BSX: variants seen among roughly 807,000 people sequenced by gnomAD.
BSX encodes brain specific homeobox, also known as brain-specific homeobox protein homolog.
A neutral mutation model predicts 16.9 loss-of-function variants in BSX; 12 were observed. That is an observed-to-expected ratio of 0.71 (90% confidence interval 0.46 to 1.15). The LOEUF is 1.15. BSX is among the 50% of genes most tolerant of loss of function. The pLI, the probability that BSX is intolerant of heterozygous loss-of-function variation, is 0.00. For synonymous variants in BSX, 160 were observed against 136.4 expected, an observed-to-expected ratio of 1.17 and a Z score of -1.20; for missense variants, 292 against 311.8, an observed-to-expected ratio of 0.94 and a Z score of 0.48.
chr11:122,981,560 G>C lies in BSX; in HGVS notation c.112C>G (p.Pro38Ala). 6.2e-7 allele frequency: 1 copy of C among 1,600,402 alleles called. No individual in the cohort carries two copies. The highest frequency in any genetic ancestry group is 8.5e-7 in the Non-Finnish European group (1 of 1,173,588). ...GCCAGAGAGCTGGCGAAATGGTCTG[G>C]GGCCACCTCTCTCAGCGGCTTGGGC... Reference protein sequence around the residue: ...HKPKPLREVAPDHFASSLASR... With the variant: ...HKPKPLREVAADHFASSLASR... Residue 38 changes from proline (P) to alanine (A), a missense_variant, in exon 1 of 3, where the codon CCA (proline) becomes GCA (alanine). Pro to Ala is a conservative substitution (Grantham distance 27, BLOSUM62 -1). Coordinates refer to ENST00000343035, the MANE Select transcript of BSX (RefSeq NM_001098169.2).
rs749156935 is a variant in BSX, at chr11:122,977,937, C to A, written c.460-46G>T. Reference sequence around the variant, plus strand: ...ATAAAATCATGTCATTCCTCCAAATCTGAGCCATCGCTGGGGTTTAGGAAA... The same window carrying A: ...ATAAAATCATGTCATTCCTCCAAATATGAGCCATCGCTGGGGTTTAGGAAA... On this transcript the variant is annotated intron_variant, in intron 2 of 2. Coordinates refer to ENST00000343035, the MANE Select transcript of BSX (RefSeq NM_001098169.2). This position sits in a 1 kb window ranked among gnomAD's most constrained non-coding sequence, Gnocchi z 4.5. The A allele has an allele frequency of 6.2e-7, 1 of 1,607,050 alleles. No homozygotes were observed. Among genetic ancestry groups the A allele is most frequent in the Non-Finnish European group, 8.5e-7 (1 of 1,179,618 alleles).
At position 122,979,428 on chromosome 11, in the gene BSX, G is replaced by C. The variant is rs552397073; in HGVS notation, c.292C>G (p.Pro98Ala). 5 of 1,613,288 alleles carry C rather than the reference G, an allele frequency of 3.1e-6. No individual in the cohort carries two copies. In the South Asian group the frequency reaches 5.5e-5, roughly 18 times the overall value. ...TTCCCCGGCAGCTCCGCGTGCTGCG[G>C]GTGCGGGAACAGCGCTGGGACTGGC... ...GMPVPALFPH[P>A]QHAELPGKHC... Residue 98 changes from proline (P) to alanine (A), a missense_variant, in exon 2 of 3, where the codon CCG becomes GCG. Transcript: ENST00000343035.
intron 1 of BSX, among the ~76,000 whole-genome samples, chr11:122,981,031 G>T (rs1164217882): frequency 1.3e-5 from 2 of 152,118 alleles, no homozygotes; most frequent in African/African-American, 4.8e-5. Context: ...GATGGTCAAG[G>T]GTCTCCCTCT....
At position 122,977,813 on chromosome 11, in the gene BSX, C is replaced by G. The variant is rs1864516394; in HGVS notation, c.538G>C (p.Asp180His). The G allele has an allele frequency of 6.2e-7, 1 of 1,613,922 alleles. No individual in the cohort carries two copies. Among genetic ancestry groups the G allele is most frequent in the Admixed American group, 1.7e-5 (1 of 59,990 alleles). Reference sequence around the variant, plus strand: ...CTGCCCTCGGGGCTTTCTGGCCCGTCTGGTGCTTTGGGTTCGTCTTGGCTT... The same window carrying G: ...CTGCCCTCGGGGCTTTCTGGCCCGTGTGGTGCTTTGGGTTCGTCTTGGCTT... ...RKSQDEPKAP[D>H]GPESPEGSPR... Residue 180 changes from aspartate (D) to histidine (H), a missense_variant, in exon 3 of 3, where the codon GAC (aspartate) becomes CAC (histidine). By Grantham distance (81) the Asp-to-His change is moderately conservative. Transcript: ENST00000343035. The surrounding 1 kb of genome is among the most constrained non-coding windows in gnomAD (Gnocchi z 4.5).
chr11:122,978,127 T>C (rs1181640423), intron 2 of BSX, among the ~76,000 whole-genome samples: 2 of 152,168 alleles, frequency 1.3e-5, no homozygotes, highest in African/African-American at 4.8e-5. Flanking sequence ...GTTATGCATA[T>C]TGTTATGAAT....
chr11:122,978,538 GA>G (rs935997239), intron 2 of BSX, among the ~76,000 whole-genome samples: 1 of 152,010 alleles, frequency 6.6e-6, no homozygotes, highest in Non-Finnish European at 1.5e-5. Context: ...GAGAAAGGGG[GA>G]AAAAATCTCC....
Position 122,977,897 on chromosome 11 carries a change from T to C in BSX, c.460-6A>G. On this transcript the variant is annotated splice_polypyrimidine_tract_variant and splice_region_variant and intron_variant, in intron 2 of 2. Coordinates refer to ENST00000343035, the MANE Select transcript of BSX (RefSeq NM_001098169.2). The surrounding 1 kb of genome is among the most constrained non-coding windows in gnomAD (Gnocchi z 4.5). ...TTCTGGAACCACGTTTTCACCTGAT[T>C]TCGGGGAGATAAAAATAAAATCATG... The C allele has an allele frequency of 6.2e-7, 1 of 1,613,186 alleles. No homozygotes were observed. The highest frequency in any genetic ancestry group is 8.5e-7 in the Non-Finnish European group (1 of 1,179,906).
chr11:122,978,808 T>TC (rs1864531301), intron 2 of BSX, among the ~76,000 whole-genome samples: 4 of 129,436 alleles, frequency 3.1e-5, no homozygotes, highest in Non-Finnish European at 4.9e-5. Context: ...TTTTTTTTTT[T>TC]TTTTTTTTTT....
rs1458132670 is a variant in BSX, at chr11:122,981,414, G to C, written c.258C>G (p.Thr86=). The change falls in exon 1 of 3, where the codon ACC becomes ACG. Residue 86 remains threonine, a synonymous_variant. Coordinates refer to ENST00000343035, the MANE Select transcript of BSX (RefSeq NM_001098169.2). ...CTTGAGGTTCCTGTTACTTACCCGAGGTGGTGAGGAAATAAGGATGATGGT... is the reference window on the plus strand; with the variant it reads ...CTTGAGGTTCCTGTTACTTACCCGACGTGGTGAGGAAATAAGGATGATGGT... The part of the protein sequence containing the change: ...GDHHHPYFLT[T]SGMPVPALFP... 1.3e-6 allele frequency: 2 copies of C among 1,529,590 alleles called. No homozygotes were observed. The highest frequency in any genetic ancestry group is 1.8e-6 in the Non-Finnish European group (2 of 1,132,000). 94.8% of individuals were successfully genotyped at this position (1,529,590 alleles called of 1,614,324 possible).
Position 122,977,572 on chromosome 11 carries a change from G to T in BSX, c.*77C>A. 1 of 1,501,492 alleles carries T rather than the reference G, an allele frequency of 6.7e-7. No homozygotes were observed. Among genetic ancestry groups the T allele is most frequent in the Non-Finnish European group, 8.9e-7 (1 of 1,129,480 alleles). 93.0% of individuals were successfully genotyped at this position (1,501,492 alleles called of 1,614,324 possible). ...GGCCCGCCACGAGACTGGAGTCTGA[G>T]TCTTCCGGTCCAGGAGGGAACCGCG... is the stretch of plus-strand genomic sequence containing the variant. On this transcript the variant is annotated 3_prime_UTR_variant, in exon 3 of 3. Transcript: ENST00000343035. This position sits in a 1 kb window ranked among gnomAD's most constrained non-coding sequence, Gnocchi z 4.5.
intron 2 of BSX, among the ~76,000 whole-genome samples, chr11:122,978,291 C>G (rs1413944754): frequency 6.6e-6 from 1 of 152,162 alleles, no homozygotes; most frequent in Non-Finnish European, 1.5e-5. Context: ...GAAAATCAGA[C>G]CCGGGCCTGG....
At position 122,977,991 on chromosome 11, in the gene BSX, C is replaced by A. The variant is rs1432977055; in HGVS notation, c.460-100G>T. The A allele has an allele frequency of 6.9e-7, 1 of 1,442,518 alleles. No individual in the cohort carries two copies. The highest frequency in any genetic ancestry group is 1.8e-5 in the Admixed American group (1 of 54,760). The allele number at this position is 1,442,518 out of a possible 1,614,324, so 89.4% of individuals were successfully genotyped here. ...GGCTGCAGTCCGTTGATGAAGTATC[C>A]AAGAGCGGTGATAGCCTCAACTGCT... On this transcript the variant is annotated intron_variant, in intron 2 of 2. Transcript: ENST00000343035. This position sits in a 1 kb window ranked among gnomAD's most constrained non-coding sequence, Gnocchi z 4.5.
intron 2 of BSX, among the ~76,000 whole-genome samples, chr11:122,978,365 G>T (rs907445749): frequency 4.6e-5 from 7 of 152,176 alleles, no homozygotes; most frequent in African/African-American, 1.7e-4. Flanking sequence ...GGGGAAGAGA[G>T]GATGGGGTTT....
Position 122,977,748 on chromosome 11 carries a change from C to T in BSX, c.603G>A (p.Arg201=), listed in dbSNP as rs772233713. 2 of 1,611,114 alleles carry T rather than the reference C, an allele frequency of 1.2e-6. No individual in the cohort carries two copies. Among genetic ancestry groups the T allele is most frequent in the Non-Finnish European group, 1.7e-6 (2 of 1,179,518 alleles). Residue 201 remains arginine, a synonymous_variant, in exon 3 of 3, where the codon CGG becomes CGA. Coordinates refer to ENST00000343035, the MANE Select transcript of BSX (RefSeq NM_001098169.2). This position sits in a 1 kb window ranked among gnomAD's most constrained non-coding sequence, Gnocchi z 4.5. ...GSEAATAAEA[R]LSLPAGPFVL... The stretch of plus-strand genomic sequence containing the variant: ...CGAAGGGACCGGCGGGCAGGCTCAG[C>T]CGAGCCTCGGCGGCGGTGGCGGCCT...
At position 122,981,485 on chromosome 11, in the gene BSX, T is replaced by G; in HGVS notation, c.187A>C (p.Thr63Pro). 1.3e-6 allele frequency: 2 copies of G among 1,581,486 alleles called. No individual in the cohort carries two copies. Among genetic ancestry groups the G allele is most frequent in the East Asian group, 2.3e-5 (1 of 43,594 alleles). ...TGATGGGCGTGAGGAGCCAAGAGGG[T>G]GGGTGTGGGCATGAGGGGGTAGCCA... Reference protein sequence around the residue: ...DYGYPLMPTPTLLAPHAHHPL... With the variant: ...DYGYPLMPTPPLLAPHAHHPL... The change falls in exon 1 of 3, where the codon ACC (threonine) becomes CCC (proline). Residue 63 changes from threonine to proline, a missense_variant. Thr to Pro is a conservative substitution (Grantham distance 38). This residue lies in a region of BSX where 176 missense variants were observed against 187.2 expected (regional missense o/e 0.94). Transcript: ENST00000343035.
At chr11:122,979,171 A>T (rs1864537582) in intron 2 of BSX, 90 bp downstream of exon 2, 1 of 1,235,058 alleles carries the variant, frequency 8.1e-7, no homozygotes, top group Non-Finnish European at 1.1e-6. Flanking sequence ...GTCTATTTCT[A>T]CTCGAACTCC....
intron 1 of BSX, among the ~76,000 whole-genome samples, chr11:122,979,845 G>A (rs892915122): frequency 6.6e-6 from 1 of 152,108 alleles, no homozygotes; most frequent in Non-Finnish European, 1.5e-5. Context: ...AACGTCAAAT[G>A]GCCCAGGAGC....
chr11:122,978,806 T>C lies in BSX; in HGVS notation c.459+455A>G, dbSNP rs7925206. 9.9e-3 allele frequency among the ~76,000 whole-genome samples: 1,258 copies of C among 127,470 alleles called. 25 individuals are homozygous for C. The highest frequency in any genetic ancestry group is 0.037 in the African/African-American group (1,215 of 32,980). The allele number at this position is 127,470 out of a possible 152,430, so 83.6% of individuals were successfully genotyped here. On this transcript the variant is annotated intron_variant, in intron 2 of 2. Coordinates refer to ENST00000343035, the MANE Select transcript of BSX (RefSeq NM_001098169.2). ...TTTCTTTTTCTTTTCTTTTTTTTTT[T>C]TTTTTTTTTTTTTTTTTGAGACGGA...
At chr11:122,979,625 G>T (rs536231607) in intron 1 of BSX, among the ~76,000 whole-genome samples, 168 bp from the exon 2 acceptor site, 1 of 146,382 alleles carries the variant, frequency 6.8e-6, no homozygotes, top group East Asian at 2.1e-4. Context: ...ATCCAGGGCA[G>T]AGGAAGAAAA....
Sources: gnomAD v4.1 joint callset for allele counts (sites outside exome capture counted in the v4.1 genomes callset) on GRCh38, gnomAD v4.1.1 for gene constraint, gnomAD v4.1.1 regional missense constraint, Gnocchi (gnomAD v3.1) non-coding constraint, MANE v1.5 for transcripts, NCBI Gene and HGNC (gene_info 2026-07-23, HGNC 2026-07-21) for gene names.